Variants in CREBL2 observed in about 807,000 individuals in gnomAD.
CREBL2 encodes cAMP responsive element binding protein like 2.
CREBL2 carries 4 observed loss-of-function variants against 19.5 expected under a neutral mutation model. The observed-to-expected ratio is 0.20, with a 90% CI of 0.10 to 0.47. The LOEUF (loss-of-function observed/expected upper bound fraction) is 0.47, where lower values mean the gene tolerates loss of function less well. Ranked by LOEUF, CREBL2 falls within the 20% of genes least tolerant of loss-of-function variation. The pLI is 0.98. For synonymous variants in CREBL2, 42 were observed against 46.6 expected, an observed-to-expected ratio of 0.90 and a Z score of 0.40; for missense variants, 85 against 145.1, an observed-to-expected ratio of 0.59 and a Z score of 2.13.
At position 12,643,250 on chromosome 12, in the gene CREBL2, C is replaced by T. The variant is rs1340545187; in HGVS notation, c.*1252C>T. ...CTTTCCATTTCCCCTTGCAGCTACA[C>T]TTACTTTCTCCCTGACTACCAAATG... is the stretch of plus-strand genomic sequence containing the variant. On this transcript the variant is annotated 3_prime_UTR_variant, in exon 4 of 4. Transcript: ENST00000228865. 1 of 152,610 alleles carries T rather than the reference C, an allele frequency of 6.6e-6. No individual in the cohort carries two copies. Among genetic ancestry groups the T allele is most frequent in the Non-Finnish European group, 1.5e-5 (1 of 68,090 alleles). 9.5% of individuals were successfully genotyped at this position (152,610 alleles called of 1,614,324 possible). A position where few individuals can be genotyped will look rare whatever the true frequency, so the allele number is the denominator to read the frequency against.
At chr12:12,631,522 T>C (rs550203581) in intron 1 of CREBL2, among the ~76,000 whole-genome samples, 61 of 152,366 alleles carry the variant, frequency 4.0e-4, no homozygotes, top group African/African-American at 1.4e-3. Flanking sequence ...GTAATTTTGT[T>C]TACCCATATT....
intron 1 of CREBL2, among the ~76,000 whole-genome samples, chr12:12,618,680 G>A (rs1430327717): frequency 3.9e-5 from 6 of 152,304 alleles, no homozygotes; most frequent in Admixed American, 1.3e-4. Flanking sequence ...CAAGGCAGGC[G>A]GCTGGGAGGT....
intron 1 of CREBL2, among the ~76,000 whole-genome samples, chr12:12,634,910 T>C (rs1047095943): frequency 6.6e-6 from 1 of 151,764 alleles, no homozygotes; most frequent in Admixed American, 6.6e-5. Context: ...TTTTTTTTTT[T>C]TAATTAGCCA....
chr12:12,633,831 C>CT (rs1945456847), intron 1 of CREBL2, among the ~76,000 whole-genome samples: 1 of 152,132 alleles, frequency 6.6e-6, no homozygotes, highest in Admixed American at 6.5e-5. Flanking sequence ...GATATTGACC[C>CT]TTTGAGTTTT....
At chr12:12,623,620 G>C (rs1297386771) in intron 1 of CREBL2, among the ~76,000 whole-genome samples, 7 of 152,166 alleles carry the variant, frequency 4.6e-5, no homozygotes, top group Non-Finnish European at 1.0e-4. Context: ...TAGAGAGGGT[G>C]CCTGCTGGGG....
intron 1 of CREBL2, among the ~76,000 whole-genome samples, chr12:12,614,073 C>T (rs546763819): frequency 1.1e-4 from 16 of 146,548 alleles, no homozygotes; most frequent in Middle Eastern, 3.5e-3. Context: ...GGCTCACTGC[C>T]GAGAATTGCT....
chr12:12,620,767 A>G (rs1266327908), intron 1 of CREBL2, among the ~76,000 whole-genome samples: 1 of 152,260 alleles, frequency 6.6e-6, no homozygotes, highest in Non-Finnish European at 1.5e-5. Flanking sequence ...CCTGATATGT[A>G]CGAGGCATTG....
chr12:12,621,887 T>G (rs1945362765), intron 1 of CREBL2, among the ~76,000 whole-genome samples: 1 of 152,218 alleles, frequency 6.6e-6, no homozygotes, highest in Non-Finnish European at 1.5e-5. Flanking sequence ...AAATCTGATT[T>G]GTGTTTTTGA....
rs192577647 is a variant in CREBL2, at chr12:12,614,998, C to T, written c.15+2811C>T. 6.8e-4 allele frequency: 123 copies of T among 180,040 alleles called. 1 individual carries two copies. Among genetic ancestry groups the T allele is most frequent in the Admixed American group, 2.4e-3 (40 of 16,990 alleles). 11.2% of individuals were successfully genotyped at this position (180,040 alleles called of 1,614,324 possible). ...CCAGTCTCCCGAGTAGGTGTGATTA[C>T]AGGCATGGGCCACCATGTCCGGCTA... On this transcript the variant is annotated intron_variant, in intron 1 of 3. Coordinates refer to ENST00000228865, the MANE Select transcript of CREBL2 (RefSeq NM_001310.4).
At chr12:12,618,931 C>G (rs1413344108) in intron 1 of CREBL2, among the ~76,000 whole-genome samples, 3 of 152,108 alleles carry the variant, frequency 2.0e-5, no homozygotes, top group Non-Finnish European at 4.4e-5. Flanking sequence ...CCCAGGCACT[C>G]GGCAGGTTGA....
intron 1 of CREBL2, among the ~76,000 whole-genome samples, chr12:12,619,362 C>G (rs1185057032): frequency 1.3e-5 from 2 of 152,138 alleles, no homozygotes; most frequent in Admixed American, 6.5e-5. Context: ...GTAATCCCAG[C>G]ACTTTGAGAG....
At chr12:12,627,544 T>C (rs1232224296) in intron 1 of CREBL2, among the ~76,000 whole-genome samples, 2 of 152,234 alleles carry the variant, frequency 1.3e-5, no homozygotes, top group Non-Finnish European at 2.9e-5. Flanking sequence ...TGTTGTACCG[T>C]GTGTCAGCAC....
At chr12:12,616,732 C>T (rs1945314404) in intron 1 of CREBL2, among the ~76,000 whole-genome samples, 1 of 152,210 alleles carries the variant, frequency 6.6e-6, no homozygotes, top group African/African-American at 2.4e-5. Flanking sequence ...TATATACAGA[C>T]ATACACACAA....
chr12:12,640,279 A>G (rs1450286972), intron 3 of CREBL2, among the ~76,000 whole-genome samples: 1 of 152,164 alleles, frequency 6.6e-6, no homozygotes, highest in African/African-American at 2.4e-5. Context: ...ACCTCCCCCC[A>G]GGAACACATT....
chr12:12,640,191 T>C (rs1472499491), intron 3 of CREBL2, among the ~76,000 whole-genome samples: 1 of 152,100 alleles, frequency 6.6e-6, no homozygotes, highest in African/African-American at 2.4e-5. Context: ...GCCTGAGGGT[T>C]CTGCAGGAGA....
chr12:12,625,205 G>T (rs1240007626), intron 1 of CREBL2, among the ~76,000 whole-genome samples: 1 of 152,148 alleles, frequency 6.6e-6, no homozygotes. Flanking sequence ...AGGCTTTTCG[G>T]CTTGAGGATG....
chr12:12,614,857 G>GTT (rs34663387), intron 1 of CREBL2: 1,625 of 168,826 alleles, frequency 9.6e-3, no homozygotes, highest in South Asian at 0.019. Flanking sequence ...TAGGGCATTA[G>GTT]TTTTTTTTTT....
rs1445473206 is a variant in CREBL2 at position 12,643,758 on chromosome 12, G to A, written c.*1760G>A. On this transcript the variant is annotated 3_prime_UTR_variant, in exon 4 of 4. Coordinates refer to ENST00000228865, the MANE Select transcript of CREBL2 (RefSeq NM_001310.4). ...TGGGTCTCTATGTTTTGGAAGTTGG[G>A]GGTTTAATAATATTTAATGTCTTTT... 6.6e-6 allele frequency: 1 copy of A among 152,082 alleles called. No homozygotes were observed. The highest frequency in any genetic ancestry group is 2.4e-5 in the African/African-American group (1 of 41,398). The allele number at this position is 152,082 out of a possible 1,614,324, so 9.4% of individuals were successfully genotyped here.
At chr12:12,641,247 A>ATTTTTTTTT (rs1380373401) in intron 3 of CREBL2, among the ~76,000 whole-genome samples, 23 of 22,076 alleles carry the variant, frequency 1.0e-3, no homozygotes, top group East Asian at 3.2e-3. Flanking sequence ...TATTATTATT[A>ATTTTTTTTT]TTATTATTTT....
Sources: allele counts gnomAD v4.1 joint callset (sites outside exome capture counted in the v4.1 genomes callset), GRCh38; gene constraint gnomAD v4.1.1; transcripts MANE v1.5; gene names NCBI Gene and HGNC (gene_info 2026-07-23, HGNC 2026-07-21).